The following GPC3 variants were observed in gnomAD, a reference collection of about 807,000 sequenced individuals.
GPC3 encodes glypican 3.
Under a neutral mutation model 34.4 loss-of-function variants are expected in GPC3, and 3 were observed. That is an observed-to-expected ratio of 0.09 (90% CI 0.04 to 0.23). GPC3 has a LOEUF of 0.23. Ranked by LOEUF, GPC3 falls within the 10% of genes least tolerant of loss-of-function variation. The pLI is 1.00. For synonymous variants in GPC3, 177 were observed against 174.0 expected (o/e 1.02, Z -0.13); for missense variants, 351 against 445.6 (o/e 0.79, Z 1.91).
At chrX:133,639,257 T>C (rs1349205695) in intron 6 of GPC3, among the ~76,000 whole-genome samples, 3 of 112,326 alleles carry the variant, frequency 2.7e-5, no homozygotes, top group Non-Finnish European at 3.8e-5. Flanking sequence ...GTGAATCTAA[T>C]CATTTCATCT....
intron 2 of GPC3, among the ~76,000 whole-genome samples, chrX:133,942,455 CTA>C (rs758706635): frequency 9.0e-6 from 1 of 111,554 alleles, no homozygotes; most frequent in African/African-American, 3.2e-5. Flanking sequence ...CCCCTAGATA[CTA>C]TATTTATATT....
intron 1 of GPC3, among the ~76,000 whole-genome samples, chrX:133,954,141 C>T (rs2076405552): frequency 9.0e-6 from 1 of 111,355 alleles, no homozygotes; most frequent in Non-Finnish European, 1.9e-5. Context: ...TGACAGAAAG[C>T]AGTTCAGTCG....
intron 2 of GPC3, among the ~76,000 whole-genome samples, chrX:133,878,602 G>A (rs988016681): frequency 1.8e-5 from 2 of 111,960 alleles, no homozygotes; most frequent in Non-Finnish European, 1.9e-5. Context: ...CCCAAAACGT[G>A]CTTCTGCTGT....
chrX:133,966,169 A>C (rs2076462529), intron 1 of GPC3, among the ~76,000 whole-genome samples: 1 of 112,543 alleles, frequency 8.9e-6, no homozygotes, highest in African/African-American at 3.2e-5. Context: ...TGCTCAGACC[A>C]GTCTAAAAGC....
chrX:133,785,921 G>A (rs192873525), intron 2 of GPC3, among the ~76,000 whole-genome samples: 2 of 112,129 alleles, frequency 1.8e-5, no homozygotes, highest in East Asian at 5.6e-4. Flanking sequence ...AGTCTCTTCA[G>A]TAATATAGCA....
At chrX:133,794,653 C>G (rs892334376) in intron 2 of GPC3, among the ~76,000 whole-genome samples, 1 of 111,663 alleles carries the variant, frequency 9.0e-6, no homozygotes, top group African/African-American at 3.3e-5. Context: ...TAACTACCAT[C>G]AATTGGGGTT....
At chrX:133,811,681 T>C (rs1036214658) in intron 2 of GPC3, among the ~76,000 whole-genome samples, 3 of 111,709 alleles carry the variant, frequency 2.7e-5, no homozygotes, top group African/African-American at 9.8e-5. Flanking sequence ...TAGGTCAACT[T>C]GCATAAATTA....
intron 5 of GPC3, among the ~76,000 whole-genome samples, chrX:133,670,567 T>G (rs2070816163): frequency 1.8e-5 from 2 of 112,086 alleles, no homozygotes; most frequent in Admixed American, 1.9e-4. Flanking sequence ...CTAAAAATGT[T>G]AGAGATCTCA....
At chrX:133,740,863 TTTTG>T (rs761032289) in intron 3 of GPC3, among the ~76,000 whole-genome samples, 103 of 111,027 alleles carry the variant, frequency 9.3e-4, no homozygotes, top group African/African-American at 2.6e-3. Context: ...TGTGTGGGTT[TTTTG>T]TTTGTTTGTT....
At chrX:133,649,185 C>T (rs895441689) in intron 6 of GPC3, among the ~76,000 whole-genome samples, 1 of 110,595 alleles carries the variant, frequency 9.0e-6, no homozygotes, top group Admixed American at 9.7e-5. Context: ...ATGTCCTTAT[C>T]AACAGACCCC....
chrX:133,560,002 TG>T (rs1259545245), intron 7 of GPC3, among the ~76,000 whole-genome samples: 3 of 111,653 alleles, frequency 2.7e-5, no homozygotes, highest in Non-Finnish European at 5.6e-5. Context: ...GAAGAATCTG[TG>T]CTTTGGTCTT....
chrX:133,874,252 G>T (rs977271627), intron 2 of GPC3, among the ~76,000 whole-genome samples: 2 of 111,815 alleles, frequency 1.8e-5, no homozygotes, highest in Admixed American at 1.9e-4. Flanking sequence ...CTTTATCTCA[G>T]ATAAAGTATT....
intron 3 of GPC3, among the ~76,000 whole-genome samples, chrX:133,727,162 T>C (rs191529791): frequency 1.5e-3 from 172 of 112,112 alleles, no homozygotes; most frequent in Admixed American, 4.6e-3. Flanking sequence ...CAAAGTTTGG[T>C]ACATGAAAGG....
Position 133,661,766 on chromosome X carries a change from G to A in GPC3, c.1377C>T (p.Val459=). The change falls in exon 6 of 8, where the codon GTC becomes GTT. Residue 459 remains valine, a synonymous_variant. Coordinates refer to ENST00000370818, the MANE Select transcript of GPC3 (RefSeq NM_004484.4). ...ELKMKGPEPV[V]SQIIDKLKHI... ...GCTTCAGTTTGTCAATAATTTGACT[G>A]ACCACTGGCTCAGGGCCCTTCATTT... 2 of 1,196,289 alleles carry A rather than the reference G, an allele frequency of 1.7e-6. No individual in the cohort carries two copies. Among genetic ancestry groups the A allele is most frequent in the South Asian group, 3.5e-5 (2 of 56,480 alleles).
intron 7 of GPC3, among the ~76,000 whole-genome samples, chrX:133,588,770 C>T (rs917873350): frequency 8.1e-5 from 9 of 111,461 alleles, no homozygotes; most frequent in Non-Finnish European, 3.8e-5. Flanking sequence ...GAAAATATTT[C>T]CTAATTGCTG....
chrX:133,957,855 T>G (rs1185219454), intron 1 of GPC3, among the ~76,000 whole-genome samples: 1 of 111,082 alleles, frequency 9.0e-6, no homozygotes. Flanking sequence ...TATTTTTTTT[T>G]TGTAAAAATG....
At chrX:133,575,061 A>T (rs187812334) in intron 7 of GPC3, among the ~76,000 whole-genome samples, 18 of 112,034 alleles carry the variant, frequency 1.6e-4, no homozygotes, top group African/African-American at 5.5e-4. Flanking sequence ...TGGCCTTTGG[A>T]GCCAAAAAGG....
At chrX:133,755,602 C>T (rs2071719855) in intron 2 of GPC3, among the ~76,000 whole-genome samples, 1 of 112,343 alleles carries the variant, frequency 8.9e-6, no homozygotes, top group Non-Finnish European at 1.9e-5. Context: ...GTACTGAGGG[C>T]AGTGAGAGTG....
intron 6 of GPC3, among the ~76,000 whole-genome samples, chrX:133,649,179 C>T (rs2070572364): frequency 9.0e-6 from 1 of 110,644 alleles, no homozygotes; most frequent in Non-Finnish European, 1.9e-5. Context: ...TTCTCTATGT[C>T]CTTATCAACA....
Sources: gnomAD v4.1 joint callset for allele counts (sites outside exome capture counted in the v4.1 genomes callset) on GRCh38, gnomAD v4.1.1 for gene constraint, MANE v1.5 for transcripts, NCBI Gene and HGNC (gene_info 2026-07-23, HGNC 2026-07-21) for gene names.